The following PSPC1 variants were observed in gnomAD, a reference collection of about 807,000 sequenced individuals.
PSPC1 encodes paraspeckle component 1, also known as paraspeckle protein 1.
PSPC1 carries 14 observed loss-of-function variants against 51.6 expected under a neutral mutation model. That is an observed-to-expected ratio of 0.27 (90% CI 0.18 to 0.42). PSPC1 has a LOEUF of 0.42. Ranked by LOEUF, PSPC1 falls within the 10% of genes least tolerant of loss-of-function variation. The probability of loss-of-function intolerance (pLI) is 1.00; values close to 1 mark genes in which losing one functional copy is unlikely to be tolerated. For synonymous variants in PSPC1, 193 were observed against 231.9 expected (o/e 0.83, Z 1.53); for missense variants, 406 against 701.1 (o/e 0.58, Z 4.75).
chr13:19,733,786 A>ATAT (rs1555237784), intron 5 of PSPC1, among the ~76,000 whole-genome samples: 49 of 141,862 alleles, frequency 3.5e-4, no homozygotes, highest in African/African-American at 6.0e-4. Context: ...AAGAAAAAAA[A>ATAT]ATATATATAT....
chr13:19,737,060 T>G (rs1363304232), intron 5 of PSPC1: 2 of 152,110 alleles, frequency 1.3e-5, no homozygotes, highest in East Asian at 3.8e-4. Flanking sequence ...CACGGGAGTT[T>G]TTACCTACTC....
chr13:19,711,991 C>G (rs1881505043), intron 6 of PSPC1, among the ~76,000 whole-genome samples: 2 of 152,162 alleles, frequency 1.3e-5, no homozygotes. Context: ...TTAGAAACTA[C>G]TGATAGGTTC....
downstream of PSPC1, chr13:19,672,532 C>T (rs2780355): frequency 6.7e-6 from 1 of 149,800 alleles, no homozygotes; most frequent in South Asian, 2.1e-4. Flanking sequence ...AAATTCAGCT[C>T]TAAAACATTT....
At chr13:19,712,609 A>AT (rs1881585262) in intron 6 of PSPC1, among the ~76,000 whole-genome samples, 1 of 152,180 alleles carries the variant, frequency 6.6e-6, no homozygotes, top group African/African-American at 2.4e-5. Context: ...CTGGTGGTAT[A>AT]TTATAAATTG....
At chr13:19,772,717 T>C (rs1429412894) in intron 1 of PSPC1, among the ~76,000 whole-genome samples, 174 bp from the exon 2 acceptor site, 1 of 152,234 alleles carries the variant, frequency 6.6e-6, no homozygotes, top group Non-Finnish European at 1.5e-5. Context: ...ATGATCATTT[T>C]AAACATTTTA....
chr13:19,733,524 G>A (rs1884386526), intron 5 of PSPC1, among the ~76,000 whole-genome samples: 1 of 151,990 alleles, frequency 6.6e-6, no homozygotes, highest in Non-Finnish European at 1.5e-5. Context: ...ACTCTGGGAG[G>A]CCGAGACGGG....
At chr13:19,736,886 A>T (rs1298333690) in intron 5 of PSPC1, 1 of 152,004 alleles carries the variant, frequency 6.6e-6, no homozygotes, top group Non-Finnish European at 1.5e-5. Context: ...CATTACTAAA[A>T]TTTCACCAGT....
At chr13:19,740,294 G>C (rs941233642) in intron 5 of PSPC1, among the ~76,000 whole-genome samples, 8 of 151,688 alleles carry the variant, frequency 5.3e-5, no homozygotes, top group African/African-American at 1.9e-4. Flanking sequence ...TGTGAGCCGA[G>C]ATCGCGCCAT....
At chr13:19,766,201 C>T (rs1288694277) in intron 2 of PSPC1, among the ~76,000 whole-genome samples, 1 of 151,954 alleles carries the variant, frequency 6.6e-6, no homozygotes, top group African/African-American at 2.4e-5. Context: ...AGTGAAACCC[C>T]GTCTCTACTA....
intron 5 of PSPC1, among the ~76,000 whole-genome samples, chr13:19,736,141 C>T (rs564363696): frequency 5.3e-5 from 8 of 152,056 alleles, no homozygotes; most frequent in Non-Finnish European, 7.4e-5. Context: ...AATTTTAAGG[C>T]AAGTTGTTCA....
At chr13:19,732,447 C>T (rs919187175) in intron 5 of PSPC1, among the ~76,000 whole-genome samples, 3 of 152,122 alleles carry the variant, frequency 2.0e-5, no homozygotes, top group Admixed American at 1.3e-4. Flanking sequence ...AGTCAATATA[C>T]TAATAATATA....
chr13:19,671,858 A>G (rs748205099), downstream of PSPC1: 2 of 1,614,206 alleles, frequency 1.2e-6, no homozygotes, highest in South Asian at 1.1e-5. Context: ...AGGTGCATAC[A>G]GAGTGCAGCT....
chr13:19,676,720 C>T (rs1284110882), intron 7 of PSPC1, among the ~76,000 whole-genome samples: 1 of 152,114 alleles, frequency 6.6e-6, no homozygotes, highest in Non-Finnish European at 1.5e-5. Flanking sequence ...GAATAAGACA[C>T]AATAATGTTT....
intron 5 of PSPC1, among the ~76,000 whole-genome samples, chr13:19,735,357 G>T (rs183313514): frequency 6.6e-6 from 1 of 152,176 alleles, no homozygotes; most frequent in African/African-American, 2.4e-5. Context: ...GTAAATGGGT[G>T]GAAAGAGAAG....
At chr13:19,736,444 G>A (rs905471416) in intron 5 of PSPC1, among the ~76,000 whole-genome samples, 11 of 152,086 alleles carry the variant, frequency 7.2e-5, no homozygotes, top group Non-Finnish European at 1.6e-4. Flanking sequence ...AGCACTTTGG[G>A]AGGCCGAGGC....
chr13:19,683,515 T>C (rs372088066), intron 6 of PSPC1, among the ~76,000 whole-genome samples: 5 of 152,236 alleles, frequency 3.3e-5, no homozygotes, highest in African/African-American at 1.2e-4. Context: ...CAGGATGGAC[T>C]GACTACAAAG....
downstream of PSPC1, chr13:19,672,867 G>C (rs1876214638): frequency 5.8e-6 from 2 of 346,144 alleles, no homozygotes; most frequent in Non-Finnish European, 1.1e-5. Flanking sequence ...TGGAGGCTGA[G>C]GTTGGAGGAT....
chr13:19,745,672 T>C (rs1215685884), intron 4 of PSPC1, among the ~76,000 whole-genome samples: 2 of 149,644 alleles, frequency 1.3e-5, no homozygotes, highest in East Asian at 2.0e-4. Context: ...CTGGCTGGAG[T>C]GCAGTGGCGT....
chr13:19,718,665 AC>A (rs1882409172), intron 6 of PSPC1, among the ~76,000 whole-genome samples: 1 of 151,784 alleles, frequency 6.6e-6, no homozygotes, highest in Non-Finnish European at 1.5e-5. Context: ...TTATGTCTAC[AC>A]AAAAACCTAC....
Sources: allele counts gnomAD v4.1 joint callset (sites outside exome capture counted in the v4.1 genomes callset), GRCh38; gene constraint gnomAD v4.1.1; transcripts MANE v1.5; gene names NCBI Gene and HGNC (gene_info 2026-07-23, HGNC 2026-07-21).